The following MUC4 variants were observed in gnomAD, a reference collection of about 807,000 sequenced individuals.
The protein encoded by MUC4 is mucin 4, cell surface associated, also known as mucin-4.
Under a neutral mutation model 257.9 loss-of-function variants are expected in MUC4, and 202 were observed. The ratio of observed to expected loss-of-function variants is 0.78; its 90% confidence interval spans 0.70 to 0.88. The LOEUF (loss-of-function observed/expected upper bound fraction) is 0.88, where lower values mean the gene tolerates loss of function less well. MUC4 is among the 40% of genes least tolerant of loss of function. MUC4 has a pLI of 0.00. For missense variants in MUC4, 5,976 were observed against 6,513.7 expected (o/e 0.92, Z 2.84); for synonymous variants, 2,351 against 2,757.1 (o/e 0.85, Z 4.62).
Position 195,783,510 on chromosome 3 carries a change from A to G in MUC4, c.8070T>C (p.Pro2690=). 1.2e-6 allele frequency: 1 copy of G among 810,076 alleles called. No individual in the cohort carries two copies. 50.2% of individuals were successfully genotyped at this position (810,076 alleles called of 1,614,324 possible). ...TGGATGCTGAGGAAGTGTCGGTGAC[A>G]GGAAGAGAGGTGGCATGACCGGTGG... ...SASTGHATSL[P]VTDTSSASTG... The change falls in exon 2 of 25, where the codon CCT becomes CCC. Residue 2690 remains proline, a synonymous_variant. Transcript: ENST00000463781.
rs1104760 is a variant in MUC4 at position 195,790,450 on chromosome 3, G to T, written c.1130C>A (p.Thr377Asn). ...ATTGCTGACACTGGAAGGGGATGAG[G>T]TGGTTGTTTCACCAGAAGGGAATGT... ...QETFPSGETT[T>N]SSPSSVSNTF... Residue 377 changes from threonine (T) to asparagine (N), a missense_variant, in exon 2 of 25, where the codon ACC (threonine) becomes AAC (asparagine). By Grantham distance (65) the Thr-to-Asn change is moderately conservative. Around this residue, in one of 44 missense-constraint regions of MUC4, gnomAD observed 1,583 missense variants for 1,257.4 expected, o/e 1.26. Transcript: ENST00000463781. 5.6e-6 allele frequency: 9 copies of T among 1,613,666 alleles called. No individual in the cohort carries two copies. The highest frequency in any genetic ancestry group is 1.1e-5 in the South Asian group (1 of 91,088).
rs1722734749 is a variant in MUC4, at chr3:195,771,050, T to TCCTGGTCAGTCTCGCGGCC, written c.13242+601_13242+602insGGCCGCGAGACTGACCAGG. 4.0e-4 allele frequency among the ~76,000 whole-genome samples: 17 copies of TCCTGGTCAGTCTCGCGGCC among 42,560 alleles called. 1 individual carries two copies. The highest frequency in any genetic ancestry group is 1.0e-3 in the African/African-American group (7 of 6,776). The allele number at this position is 42,560 out of a possible 152,430, so 27.9% of individuals were successfully genotyped here. ...GGGTATTCCTGGTCAGTCTCGTGGT[T>TCCTGGTCAGTCTCGCGGCC]GGGTTGGGGTATTCCTGGTCAGTCT... On this transcript the variant is annotated intron_variant, in intron 5 of 24. Transcript: ENST00000463781.
Position 195,755,006 on chromosome 3 carries a change from G to T in MUC4, c.15169-634C>A, listed in dbSNP as rs117359184. 4.0e-3 allele frequency among the ~76,000 whole-genome samples: 225 copies of T among 55,604 alleles called. 2 individuals carry two copies. In the East Asian group the frequency reaches 0.12, roughly 30 times the overall value. 36.5% of individuals were successfully genotyped at this position (55,604 alleles called of 152,430 possible). On this transcript the variant is annotated intron_variant, in intron 18 of 24. Transcript: ENST00000463781. This position sits in a 1 kb window ranked among gnomAD's most constrained non-coding sequence, Gnocchi z 5.0. ...TGTATGTATCCATGTATGTCCTATT[G>T]CTTGAAAACTGGATTCCTTATTTAT...
At position 195,778,469 on chromosome 3, in the gene MUC4, A is replaced by G; in HGVS notation, c.12791-14T>C. 6.2e-7 allele frequency: 1 copy of G among 1,610,762 alleles called. No individual in the cohort carries two copies. The highest frequency in any genetic ancestry group is 8.5e-7 in the Non-Finnish European group (1 of 1,179,252). ...GTGTTGTCATTCCTGGACACGTGAA[A>G]AGACAAGGCGGGGTGTTTCTTACAG... is the stretch of plus-strand genomic sequence containing the variant. On this transcript the variant is annotated splice_polypyrimidine_tract_variant and intron_variant, in intron 2 of 24. Coordinates refer to ENST00000463781, the MANE Select transcript of MUC4 (RefSeq NM_018406.7).
intron 3 of MUC4, 140 bp from the exon 4 acceptor site, chr3:195,774,445 G>GAGCGAGAAGCACCCTAGA: frequency 1.9e-6 from 2 of 1,069,622 alleles, no homozygotes; most frequent in Non-Finnish European, 2.5e-6. Flanking sequence ...GCCATCTAGG[G>GAGCGAGAAGCACCCTAGA]TGCTTCTCGC....
chr3:195,773,088 G>A (rs1342154274), intron 4 of MUC4, among the ~76,000 whole-genome samples: 24 of 131,318 alleles, frequency 1.8e-4, no homozygotes, highest in African/African-American at 6.5e-4. Flanking sequence ...TATCGTTCGG[G>A]GTGTAGACAT....
At chr3:195,773,201 A>G (rs1437538572) in intron 4 of MUC4, among the ~76,000 whole-genome samples, 5 of 137,420 alleles carry the variant, frequency 3.6e-5, no homozygotes, top group Admixed American at 2.2e-4. Flanking sequence ...CATCTCCATC[A>G]CTTAGGGGGT....
chr3:195,783,144 A>G lies in MUC4; in HGVS notation c.8436T>C (p.Gly2812=). The stretch of plus-strand genomic sequence containing the variant: ...CGGTGACAGGAAGAGAGGTGGCGTG[A>G]CCTGTGGACACTGACGAAGCGTCGG... ...PVTDASSVST[G]HATSLPVTDA... Residue 2812 remains glycine (G), a synonymous_variant, in exon 2 of 25, where the codon GGT becomes GGC. Coordinates refer to ENST00000463781, the MANE Select transcript of MUC4 (RefSeq NM_018406.7). The G allele has an allele frequency of 7.4e-7, 1 of 1,352,288 alleles. No individual in the cohort carries two copies. Among genetic ancestry groups the G allele is most frequent in the Non-Finnish European group, 9.9e-7 (1 of 1,006,580 alleles). The allele number at this position is 1,352,288 out of a possible 1,614,324, so 83.8% of individuals were successfully genotyped here.
Position 195,784,702 on chromosome 3 carries a change from C to G in MUC4, c.6878G>C (p.Ser2293Thr). Reference sequence around the variant, plus strand: ...GTGACCTGTGGATGCTGAGGAAGGGCTAGTGACAGGAAGAGGAGTGGTGTC... The same window carrying G: ...GTGACCTGTGGATGCTGAGGAAGGGGTAGTGACAGGAAGAGGAGTGGTGTC... The part of the protein sequence containing the change: ...TGDTTPLPVT[S>T]PSSASTGHAT... The change falls in exon 2 of 25, where the codon AGC (serine) becomes ACC (threonine). Residue 2293 changes from serine to threonine, a missense_variant. By Grantham distance (58) the Ser-to-Thr change is moderately conservative (BLOSUM62 1). This residue lies in a region of MUC4 where 62 missense variants were observed against 74.0 expected (regional missense o/e 0.84). Transcript: ENST00000463781. 6 of 1,406,324 alleles carry G rather than the reference C, an allele frequency of 4.3e-6. No homozygotes were observed. The highest frequency in any genetic ancestry group is 5.6e-6 in the Non-Finnish European group (6 of 1,079,762). 87.1% of individuals were successfully genotyped at this position (1,406,324 alleles called of 1,614,324 possible). A position where few individuals can be genotyped will look rare whatever the true frequency, so the allele number is the denominator to read the frequency against.
intron 1 of MUC4, among the ~76,000 whole-genome samples, chr3:195,797,950 A>G (rs1323705151): frequency 6.6e-6 from 1 of 152,018 alleles, no homozygotes; most frequent in Non-Finnish European, 1.5e-5. Flanking sequence ...TACAGAAATA[A>G]AAAATAAAAA....
intron 6 of MUC4, among the ~76,000 whole-genome samples, chr3:195,769,938 T>C (rs1382596982): frequency 6.6e-6 from 1 of 152,196 alleles, no homozygotes; most frequent in African/African-American, 2.4e-5. Context: ...CCAGACATTT[T>C]TGACTTACAA....
intron 7 of MUC4, among the ~76,000 whole-genome samples, chr3:195,767,834 A>G (rs1242411994): frequency 2.5e-4 from 29 of 116,342 alleles, no homozygotes; most frequent in Non-Finnish European, 3.9e-4. Flanking sequence ...CACCACCATC[A>G]CCACCACCAC....
rs751918707 is a variant in MUC4, at chr3:195,750,981, A to G, written c.15779T>C (p.Phe5260Ser). Residue 5260 changes from phenylalanine (F) to serine (S), a missense_variant, in exon 23 of 25, where the codon TTC (phenylalanine) becomes TCC (serine). Coordinates refer to ENST00000463781, the MANE Select transcript of MUC4 (RefSeq NM_018406.7). ...NQLLAAVVEA[F>S]LYHVPRRSEE... ...ACTCCTCCGTGGAACGTGGTATAAG[A>G]ACGCCTCCACCACCGCGGCCAGCAG... 1.2e-6 allele frequency: 2 copies of G among 1,613,836 alleles called. No individual in the cohort carries two copies. Among genetic ancestry groups the G allele is most frequent in the South Asian group, 2.2e-5 (2 of 91,044 alleles).
Position 195,755,439 on chromosome 3 carries a change from G to A in MUC4, c.15169-1067C>T, listed in dbSNP as rs568598513. Among the ~76,000 whole-genome samples the A allele has an allele frequency of 1.3e-5, 2 of 151,884 alleles. No individual in the cohort carries two copies. Among genetic ancestry groups the A allele is most frequent in the African/African-American group, 2.4e-5 (1 of 41,320 alleles). On this transcript the variant is annotated intron_variant, in intron 18 of 24. Transcript: ENST00000463781. The surrounding 1 kb of genome is among the most constrained non-coding windows in gnomAD (Gnocchi z 5.0). Reference sequence around the variant, plus strand: ...TCAAAGTCCTGAGCTCAAGCAATCCGCCTGCCTCAGGCTCCTATGTGGCCT... The same window carrying A: ...TCAAAGTCCTGAGCTCAAGCAATCCACCTGCCTCAGGCTCCTATGTGGCCT...
Position 195,748,897 on chromosome 3 carries a change from T to G in MUC4, c.16034+5A>C, listed in dbSNP as rs559304967. 6.3e-7 allele frequency: 1 copy of G among 1,575,136 alleles called. No homozygotes were observed. Among genetic ancestry groups the G allele is most frequent in the Non-Finnish European group, 8.6e-7 (1 of 1,162,252 alleles). On this transcript the variant is annotated splice_donor_5th_base_variant and intron_variant, in intron 24 of 24. Coordinates refer to ENST00000463781, the MANE Select transcript of MUC4 (RefSeq NM_018406.7). The stretch of plus-strand genomic sequence containing the variant: ...CCTCCACCTCCTGGCCACAGCCCTA[T>G]GCACCTGCAGCGGGGCCCACTGGGC...
chr3:195,794,126 AT>A, intron 1 of MUC4, among the ~76,000 whole-genome samples: 1 of 150,550 alleles, frequency 6.6e-6, no homozygotes, highest in Non-Finnish European at 1.5e-5. Context: ...TATTAAATAA[AT>A]AAAGAAAAAT....
At position 195,767,604 on chromosome 3, in the gene MUC4, C is replaced by CACCATCACCATT. The variant is rs1225747376; in HGVS notation, c.13530-854_13530-853insAATGGTGATGGT. 2.3e-3 allele frequency among the ~76,000 whole-genome samples: 212 copies of CACCATCACCATT among 92,332 alleles called. 3 individuals carry two copies. Among genetic ancestry groups the CACCATCACCATT allele is most frequent in the Admixed American group, 3.8e-3 (36 of 9,548 alleles). 60.6% of individuals were successfully genotyped at this position (92,332 alleles called of 152,430 possible). ...CCACCATCACCACCACCACCATCATCACCATTGCCACCACCATCACCACCA... is the reference window on the plus strand; with the variant it reads ...CCACCATCACCACCACCACCATCATCACCATCACCATTACCATTGCCACCACCATCACCACCA... On this transcript the variant is annotated intron_variant, in intron 7 of 24. Coordinates refer to ENST00000463781, the MANE Select transcript of MUC4 (RefSeq NM_018406.7).
In MUC4 at chr3:195,751,231, A is replaced by G. The variant is rs1716369873; in HGVS notation, c.15623T>C (p.Leu5208Pro). Reference sequence around the variant, plus strand: ...CATTCGTTCCACTTGGCTGTTGCGGAGAAAGGCCCGCATGTCCAGGGTCCC... The same window carrying G: ...CATTCGTTCCACTTGGCTGTTGCGGGGAAAGGCCCGCATGTCCAGGGTCCC... The part of the protein sequence containing the change: ...RLGTLDMRAF[L>P]RNSQVERIDS... Residue 5208 changes from leucine to proline, a missense_variant, in exon 22 of 25, where the codon CTC becomes CCC. Around this residue, in one of 44 missense-constraint regions of MUC4, gnomAD observed 996 missense variants for 1,137.3 expected, o/e 0.88. Coordinates refer to ENST00000463781, the MANE Select transcript of MUC4 (RefSeq NM_018406.7). The G allele has an allele frequency of 6.2e-7, 1 of 1,607,482 alleles. No individual in the cohort carries two copies. The highest frequency in any genetic ancestry group is 1.7e-5 in the Admixed American group (1 of 59,256).
chr3:195,783,530 C>T lies in MUC4; in HGVS notation c.8050G>A (p.Gly2684Ser), dbSNP rs1182815200. 1.3e-5 allele frequency: 6 copies of T among 462,848 alleles called. No homozygotes were observed. The highest frequency in any genetic ancestry group is 8.7e-5 in the African/African-American group (1 of 11,482). 28.7% of individuals were successfully genotyped at this position (462,848 alleles called of 1,614,324 possible). Residue 2684 changes from glycine (G) to serine (S), a missense_variant, in exon 2 of 25, where the codon GGT becomes AGT. Physicochemically the swap from Gly to Ser is moderately conservative, Grantham distance 56. Transcript: ENST00000463781. ...GTGACAGGAAGAGAGGTGGCATGAC[C>T]GGTGGATGCTGAGGAAGGGCTAGTG... Reference protein sequence around the residue: ...PVTSPSSASTGHATSLPVTDT... With the variant: ...PVTSPSSASTSHATSLPVTDT...
Sources: allele counts gnomAD v4.1 joint callset (sites outside exome capture counted in the v4.1 genomes callset), GRCh38; gene constraint gnomAD v4.1.1; regional missense constraint gnomAD v4.1.1; non-coding constraint Gnocchi (gnomAD v3.1); transcripts MANE v1.5; gene names NCBI Gene and HGNC (gene_info 2026-07-23, HGNC 2026-07-21).